PRKN: variants seen among roughly 807,000 people sequenced by gnomAD.
PRKN encodes the protein parkin RBR E3 ubiquitin protein ligase.
A neutral mutation model predicts 59.5 loss-of-function variants in PRKN; 56 were observed. The observed-to-expected ratio is 0.94, with a 90% CI of 0.76 to 1.18. The LOEUF (loss-of-function observed/expected upper bound fraction) is 1.18. Among genes scored for constraint, PRKN ranks in the 50% most tolerant of loss-of-function variants. The pLI, the probability that PRKN is intolerant of heterozygous loss-of-function variation, is 0.00. For synonymous variants in PRKN, 250 were observed against 222.1 expected, an observed-to-expected ratio of 1.13 and a Z score of -1.12; for missense variants, 657 against 596.4, an observed-to-expected ratio of 1.10 and a Z score of -1.06.
Position 161,440,458 on chromosome 6 carries a change from T to C in PRKN, c.1084-53581A>G, listed in dbSNP as rs151069964. ...AATATCAAGAATGCTGACACGGAGG[T>C]TGAGAAGCCTGGCATTTCCCCATTG... On this transcript the variant is annotated intron_variant, in intron 9 of 11. Transcript: ENST00000366898. This position sits in a 1 kb window ranked among gnomAD's most constrained non-coding sequence, Gnocchi z 4.1. Among the ~76,000 whole-genome samples, 67 of 152,144 alleles carry C rather than the reference T, an allele frequency of 4.4e-4. No homozygotes were observed. The highest frequency in any genetic ancestry group is 1.3e-3 in the African/African-American group (53 of 41,502).
chr6:162,260,802 A>C (rs1779856954), intron 3 of PRKN, among the ~76,000 whole-genome samples: 1 of 152,136 alleles, frequency 6.6e-6, no homozygotes, highest in Non-Finnish European at 1.5e-5. Context: ...AAACAATGTG[A>C]TTTTTTTATT....
intron 1 of PRKN, among the ~76,000 whole-genome samples, chr6:162,477,038 G>A (rs1261729198): frequency 6.6e-6 from 1 of 152,106 alleles, no homozygotes; most frequent in Non-Finnish European, 1.5e-5. Flanking sequence ...GAAGCTGGAT[G>A]GTTACTCTAC....
At chr6:161,766,349 C>T (rs1236369486) in intron 7 of PRKN, among the ~76,000 whole-genome samples, 1 of 139,950 alleles carries the variant, frequency 7.1e-6, no homozygotes, top group Admixed American at 7.3e-5. Context: ...CGATCTGTCA[C>T]CAGGCTGGAG....
In PRKN at chr6:161,414,729, A is replaced by G. The variant is rs1255253942; in HGVS notation, c.1084-27852T>C. On this transcript the variant is annotated intron_variant, in intron 9 of 11. Coordinates refer to ENST00000366898, the MANE Select transcript of PRKN (RefSeq NM_004562.3). The surrounding 1 kb of genome is among the most constrained non-coding windows in gnomAD (Gnocchi z 5.3). The stretch of plus-strand genomic sequence containing the variant: ...TCCTGATGAAGCCCCAAAGTGCAAA[A>G]GGCATGAAAGGCACATTATGCTTCT... 6.6e-6 allele frequency among the ~76,000 whole-genome samples: 1 copy of G among 152,164 alleles called. No homozygotes were observed. Among genetic ancestry groups the G allele is most frequent in the Admixed American group, 6.5e-5 (1 of 15,284 alleles).
At chr6:161,904,305 TG>T (rs147479158) in intron 6 of PRKN, among the ~76,000 whole-genome samples, 5,767 of 128,392 alleles carry the variant, frequency 0.045, 597 homozygotes, top group African/African-American at 0.071. Flanking sequence ...TTCGAATTTG[TG>T]GGGTTTTTTT....
intron 7 of PRKN, among the ~76,000 whole-genome samples, chr6:161,648,945 T>C (rs1784055539): frequency 6.6e-6 from 1 of 152,242 alleles, no homozygotes; most frequent in African/African-American, 2.4e-5. Flanking sequence ...TACTTTACTC[T>C]TTCTGCAAGA....
rs560635317 is a variant in PRKN, at chr6:161,911,976, G to A, written c.734+61326C>T. Among the ~76,000 whole-genome samples, 263 of 152,134 alleles carry A rather than the reference G, an allele frequency of 1.7e-3. 1 individual carries two copies. The highest frequency in any genetic ancestry group is 3.9e-3 in the South Asian group (19 of 4,814). ...ACAGATCACCTGAGGTCAGGAGTTCGTGACCAGCCTGGTCAACATGGTGAA... is the reference window on the plus strand; with the variant it reads ...ACAGATCACCTGAGGTCAGGAGTTCATGACCAGCCTGGTCAACATGGTGAA... On this transcript the variant is annotated intron_variant, in intron 6 of 11. Transcript: ENST00000366898.
intron 4 of PRKN, among the ~76,000 whole-genome samples, chr6:162,067,796 T>C (rs1052628050): frequency 4.6e-5 from 7 of 152,238 alleles, no homozygotes; most frequent in Non-Finnish European, 1.0e-4. Flanking sequence ...ATGGAGAGAC[T>C]GAGGCTTGGA....
chr6:162,005,498 C>T (rs144927002), intron 5 of PRKN, among the ~76,000 whole-genome samples: 89 of 150,988 alleles, frequency 5.9e-4, no homozygotes, highest in African/African-American at 2.1e-3. Flanking sequence ...ACCTCTGACT[C>T]TTGCACATGC....
At chr6:162,243,258 A>G (rs1779064663) in intron 3 of PRKN, among the ~76,000 whole-genome samples, 1 of 152,176 alleles carries the variant, frequency 6.6e-6, no homozygotes, top group South Asian at 2.1e-4. Flanking sequence ...ATGAGGGGAT[A>G]TAAATTTTTG....
At position 161,459,589 on chromosome 6, in the gene PRKN, G is replaced by T. The variant is rs1174686423; in HGVS notation, c.1084-72712C>A. On this transcript the variant is annotated intron_variant, in intron 9 of 11. Transcript: ENST00000366898. This position sits in a 1 kb window ranked among gnomAD's most constrained non-coding sequence, Gnocchi z 4.8. ...ACACAGGGTAGCAGGCCTTCCTGAT[G>T]CCCCAGCTTCTCTGAGATCCATCCT... Among the ~76,000 whole-genome samples the T allele has an allele frequency of 6.6e-6, 1 of 152,112 alleles. No individual in the cohort carries two copies. Among genetic ancestry groups the T allele is most frequent in the Admixed American group, 6.5e-5 (1 of 15,276 alleles).
At chr6:161,729,189 G>T (rs561439869) in intron 7 of PRKN, among the ~76,000 whole-genome samples, 17 of 152,242 alleles carry the variant, frequency 1.1e-4, no homozygotes, top group African/African-American at 3.6e-4. Context: ...AATGAAGAAG[G>T]TTTAATATTA....
chr6:162,181,950 GATA>G (rs543878694), intron 4 of PRKN, among the ~76,000 whole-genome samples: 2 of 152,164 alleles, frequency 1.3e-5, no homozygotes, highest in Non-Finnish European at 2.9e-5. Context: ...TTCTCAGTTT[GATA>G]ATGAGTCAGA....
chr6:161,695,141 T>C (rs1026782894), intron 7 of PRKN, among the ~76,000 whole-genome samples: 2 of 152,138 alleles, frequency 1.3e-5, no homozygotes, highest in Non-Finnish European at 2.9e-5. Context: ...GGACACGGTT[T>C]TGCCTAATGA....
At chr6:162,375,989 C>T (rs1399829470) in intron 2 of PRKN, among the ~76,000 whole-genome samples, 1 of 152,078 alleles carries the variant, frequency 6.6e-6, no homozygotes, top group East Asian at 1.9e-4. Context: ...CACCATCCTC[C>T]CTGGGAAGCT....
chr6:161,686,244 T>A (rs1323032873), intron 7 of PRKN, among the ~76,000 whole-genome samples: 1 of 152,182 alleles, frequency 6.6e-6, no homozygotes, highest in Non-Finnish European at 1.5e-5. Flanking sequence ...TCCATTTTTA[T>A]AAGTGGATGC....
chr6:162,092,382 G>A (rs889911579), intron 4 of PRKN, among the ~76,000 whole-genome samples: 1 of 151,884 alleles, frequency 6.6e-6, no homozygotes, highest in African/African-American at 2.4e-5. Flanking sequence ...TGAAAAAAAA[G>A]TTTACCACTA....
rs1454123695 is a variant in PRKN, at chr6:161,463,243, T to C, written c.1084-76366A>G. ...AAGGTGACTGCCAGGTCAGCTTCAC[T>C]GTCAGCTGGTGCCTCTCCTGACCCC... On this transcript the variant is annotated intron_variant, in intron 9 of 11. Coordinates refer to ENST00000366898, the MANE Select transcript of PRKN (RefSeq NM_004562.3). This position sits in a 1 kb window ranked among gnomAD's most constrained non-coding sequence, Gnocchi z 4.8. Among the ~76,000 whole-genome samples the C allele has an allele frequency of 6.6e-6, 1 of 152,164 alleles. No individual in the cohort carries two copies. Among genetic ancestry groups the C allele is most frequent in the Non-Finnish European group, 1.5e-5 (1 of 68,030 alleles).
At chr6:162,707,795 G>A (rs977581980) in intron 1 of PRKN, among the ~76,000 whole-genome samples, 4 of 151,958 alleles carry the variant, frequency 2.6e-5, no homozygotes, top group South Asian at 2.1e-4. Flanking sequence ...AGCTGGTCTC[G>A]ATCAAACTCC....
Sources: allele counts gnomAD v4.1 joint callset (sites outside exome capture counted in the v4.1 genomes callset), GRCh38; gene constraint gnomAD v4.1.1; non-coding constraint Gnocchi (gnomAD v3.1); transcripts MANE v1.5; gene names NCBI Gene and HGNC (gene_info 2026-07-23, HGNC 2026-07-21).